Variants in MOB3B observed in about 807,000 individuals in gnomAD.
MOB3B encodes MOB kinase activator-like 2B.
In MOB3B, 7 loss-of-function variants were observed where a neutral mutation model predicts 18.7. The ratio of observed to expected loss-of-function variants is 0.37; its 90% CI spans 0.21 to 0.70. The LOEUF (loss-of-function observed/expected upper bound fraction) is 0.70, where lower values mean the gene tolerates loss of function less well. Ranked by LOEUF, MOB3B falls within the 30% of genes least tolerant of loss-of-function variation. The probability of loss-of-function intolerance (pLI) is 0.52; values close to 1 mark genes in which losing one functional copy is unlikely to be tolerated. For synonymous variants in MOB3B, 111 were observed against 99.9 expected (o/e 1.11, Z -0.66); for missense variants, 253 against 281.3 (o/e 0.90, Z 0.72).
intron 1 of MOB3B, among the ~76,000 whole-genome samples, chr9:27,465,394 AC>A (rs1819365895): frequency 6.6e-6 from 1 of 152,066 alleles, no homozygotes; most frequent in African/African-American, 2.4e-5. Context: ...GGGAAGCTCC[AC>A]CCCTGTGGCT....
At chr9:27,528,598 C>T (rs1406136149) in intron 1 of MOB3B, among the ~76,000 whole-genome samples, 1 of 152,210 alleles carries the variant, frequency 6.6e-6, no homozygotes, top group Non-Finnish European at 1.5e-5. Context: ...CCGGAGCTGG[C>T]GTGGGGGCCG....
At chr9:27,386,353 C>G (rs929003031) in intron 2 of MOB3B, among the ~76,000 whole-genome samples, 1 of 152,112 alleles carries the variant, frequency 6.6e-6, no homozygotes, top group Non-Finnish European at 1.5e-5. Context: ...GGGAGAGGAA[C>G]GATTCAACAA....
intron 1 of MOB3B, among the ~76,000 whole-genome samples, chr9:27,520,200 T>C (rs755945436): frequency 1.3e-5 from 2 of 152,208 alleles, no homozygotes; most frequent in Non-Finnish European, 2.9e-5. Flanking sequence ...GACTGAAATG[T>C]CTCATCTCCA....
At chr9:27,336,149 A>G (rs1285694006) in intron 3 of MOB3B, among the ~76,000 whole-genome samples, 3 of 152,234 alleles carry the variant, frequency 2.0e-5, no homozygotes, top group Non-Finnish European at 2.9e-5. Flanking sequence ...CAGATGAGGA[A>G]AAGGAGGCCC....
chr9:27,431,913 C>T (rs1822423718), intron 2 of MOB3B, among the ~76,000 whole-genome samples: 1 of 152,108 alleles, frequency 6.6e-6, no homozygotes, highest in Non-Finnish European at 1.5e-5. Flanking sequence ...TAGCAAGAGA[C>T]CCAAGGCATG....
intron 2 of MOB3B, among the ~76,000 whole-genome samples, chr9:27,365,102 A>C (rs921053638): frequency 3.5e-5 from 5 of 142,846 alleles, no homozygotes; most frequent in African/African-American, 1.0e-4. Context: ...ATTGAATCAG[A>C]AAAGAGCAGT....
chr9:27,493,380 C>T (rs756059243), intron 1 of MOB3B, among the ~76,000 whole-genome samples: 1 of 152,166 alleles, frequency 6.6e-6, no homozygotes, highest in African/African-American at 2.4e-5. Flanking sequence ...GTGGCTCACA[C>T]CTGTAATCCC....
chr9:27,379,839 T>C (rs551527116), intron 2 of MOB3B, among the ~76,000 whole-genome samples: 1 of 152,334 alleles, frequency 6.6e-6, no homozygotes, highest in South Asian at 2.1e-4. Context: ...AAATATATCA[T>C]ATTTGGTTTT....
chr9:27,367,921 C>A lies in MOB3B; in HGVS notation c.419-8685G>T, dbSNP rs147719676. ...CCCCTGATGGCATGTCAACAACAACCAGAAGTGCCCATGTTTCTCCTTGAA... is the reference window on the plus strand; with the variant it reads ...CCCCTGATGGCATGTCAACAACAACAAGAAGTGCCCATGTTTCTCCTTGAA... On this transcript the variant is annotated intron_variant, in intron 2 of 3. Coordinates refer to ENST00000262244, the MANE Select transcript of MOB3B (RefSeq NM_024761.5). 6.9e-4 allele frequency among the ~76,000 whole-genome samples: 105 copies of A among 152,278 alleles called. 1 individual carries two copies. In the East Asian group the frequency reaches 0.018, roughly 27 times the overall value.
chr9:27,343,301 C>T (rs1480398730), intron 3 of MOB3B, among the ~76,000 whole-genome samples: 2 of 151,472 alleles, frequency 1.3e-5, no homozygotes, highest in Non-Finnish European at 1.5e-5. Context: ...GTCATCACCA[C>T]TCCCTAATCT....
intron 3 of MOB3B, among the ~76,000 whole-genome samples, chr9:27,334,924 C>T (rs778567208): frequency 1.4e-4 from 22 of 152,176 alleles, no homozygotes; most frequent in South Asian, 2.1e-4. Context: ...CCTGGGGTCA[C>T]GCCATTCTCC....
At chr9:27,337,648 C>T (rs866907138) in intron 3 of MOB3B, among the ~76,000 whole-genome samples, 3 of 152,224 alleles carry the variant, frequency 2.0e-5, no homozygotes, top group African/African-American at 7.2e-5. Context: ...AGAAAATGAG[C>T]TGGCATCAGC....
intron 1 of MOB3B, among the ~76,000 whole-genome samples, chr9:27,456,807 G>A (rs1303830301): frequency 6.6e-6 from 1 of 152,194 alleles, no homozygotes; most frequent in Non-Finnish European, 1.5e-5. Flanking sequence ...TGGCTATTGA[G>A]CATTTGAAAT....
chr9:27,421,438 A>C (rs945289193), intron 2 of MOB3B: 4 of 152,386 alleles, frequency 2.6e-5, no homozygotes, highest in Non-Finnish European at 5.9e-5. Context: ...ACACAGCCCT[A>C]GAGTGAGTTA....
At chr9:27,410,500 T>C (rs1222218338) in intron 2 of MOB3B, among the ~76,000 whole-genome samples, 1 of 151,910 alleles carries the variant, frequency 6.6e-6, no homozygotes, top group African/African-American at 2.4e-5. Context: ...TTTCCTTGAG[T>C]TTCTGGAAAA....
chr9:27,368,655 C>T (rs2131364658), intron 2 of MOB3B, among the ~76,000 whole-genome samples: 1 of 152,302 alleles, frequency 6.6e-6, no homozygotes, highest in African/African-American at 2.4e-5. Context: ...CAACTCCCTC[C>T]CTCTGCCCCT....
At chr9:27,517,092 G>T (rs1210691632) in intron 1 of MOB3B, among the ~76,000 whole-genome samples, 1 of 151,924 alleles carries the variant, frequency 6.6e-6, no homozygotes, top group Non-Finnish European at 1.5e-5. Flanking sequence ...ATTTCCAAAA[G>T]TTGCCAACCT....
chr9:27,373,750 C>G (rs1821453121), intron 2 of MOB3B, among the ~76,000 whole-genome samples: 1 of 152,210 alleles, frequency 6.6e-6, no homozygotes, highest in Non-Finnish European at 1.5e-5. Flanking sequence ...TCCAATGGCA[C>G]CAGCCATGTA....
chr9:27,422,167 T>A (rs2131413426), intron 2 of MOB3B, among the ~76,000 whole-genome samples: 1 of 152,344 alleles, frequency 6.6e-6, no homozygotes, highest in Non-Finnish European at 1.5e-5. Flanking sequence ...ATAGTGAGGA[T>A]CAAATATTCA....
Sources: allele counts gnomAD v4.1 joint callset (sites outside exome capture counted in the v4.1 genomes callset), GRCh38; gene constraint gnomAD v4.1.1; transcripts MANE v1.5; gene names NCBI Gene and HGNC (gene_info 2026-07-23, HGNC 2026-07-21).